SYT16: variants seen among roughly 807,000 people sequenced by gnomAD.
SYT16 encodes the protein synaptotagmin-16.
Under a neutral mutation model 61.4 loss-of-function variants are expected in SYT16, and 42 were observed. The observed-to-expected ratio is 0.68, with a 90% CI of 0.53 to 0.89. The LOEUF (loss-of-function observed/expected upper bound fraction) is 0.89, where lower values mean the gene tolerates loss of function less well. SYT16 is among the 40% of genes least tolerant of loss of function. The pLI is 0.00. For missense variants in SYT16, 804 were observed against 807.3 expected, an observed-to-expected ratio of 1.00 and a Z score of 0.05; for synonymous variants, 314 against 302.3, an observed-to-expected ratio of 1.04 and a Z score of -0.40.
chr14:61,996,983 A>G (rs555727402), intron 3 of SYT16, among the ~76,000 whole-genome samples: 42 of 152,202 alleles, frequency 2.8e-4, no homozygotes, highest in Non-Finnish European at 5.3e-4. Context: ...CACTTCTCAC[A>G]GTGTTTCACT....
At chr14:61,962,690 C>G (rs759630259) in intron 1 of SYT16, among the ~76,000 whole-genome samples, 1 of 151,948 alleles carries the variant, frequency 6.6e-6, no homozygotes, top group Admixed American at 6.6e-5. Flanking sequence ...TTTCTTTACT[C>G]TTTTCATTCT....
chr14:62,088,122 C>T (rs1369604382), intron 7 of SYT16, among the ~76,000 whole-genome samples: 2 of 151,668 alleles, frequency 1.3e-5, no homozygotes, highest in Non-Finnish European at 1.5e-5. Context: ...GGGCAGTAAC[C>T]GGTAAGTCAA....
chr14:61,981,773 G>A (rs1450282620), intron 2 of SYT16, among the ~76,000 whole-genome samples: 2 of 152,172 alleles, frequency 1.3e-5, no homozygotes, highest in Admixed American at 1.3e-4. Flanking sequence ...TCATTTGACA[G>A]ACCTGTGCAC....
At chr14:61,898,702 C>G (rs2048409960) in intron 1 of SYT16, among the ~76,000 whole-genome samples, 1 of 152,188 alleles carries the variant, frequency 6.6e-6, no homozygotes, top group African/African-American at 2.4e-5. Flanking sequence ...GTTCTTCCAG[C>G]CAGCACAGGG....
At chr14:62,086,445 AC>A (rs1215775683) in intron 7 of SYT16, among the ~76,000 whole-genome samples, 2 of 152,182 alleles carry the variant, frequency 1.3e-5, no homozygotes, top group African/African-American at 4.8e-5. Context: ...GCACCACTGC[AC>A]TCCAGCCTGG....
chr14:62,006,751 T>C (rs754378265), intron 3 of SYT16, among the ~76,000 whole-genome samples: 14 of 152,162 alleles, frequency 9.2e-5, no homozygotes, highest in Non-Finnish European at 1.9e-4. Context: ...ACCTTTGATA[T>C]GTGATGGGAA....
chr14:61,859,527 C>G (rs2046901444), intron 1 of SYT16, among the ~76,000 whole-genome samples: 1 of 151,882 alleles, frequency 6.6e-6, no homozygotes, highest in Admixed American at 6.6e-5. Flanking sequence ...GAAAACCCCT[C>G]TCTCTCTCGA....
At chr14:61,828,300 T>C (rs1214894004) in intron 1 of SYT16, among the ~76,000 whole-genome samples, 1 of 152,238 alleles carries the variant, frequency 6.6e-6, no homozygotes, top group Non-Finnish European at 1.5e-5. Flanking sequence ...AAATCAAGCA[T>C]GTTTTAAAGA....
intron 1 of SYT16, among the ~76,000 whole-genome samples, chr14:61,959,249 T>C (rs1352888595): frequency 2.0e-5 from 3 of 152,188 alleles, no homozygotes; most frequent in Non-Finnish European, 4.4e-5. Context: ...AGTTCACTTA[T>C]GTTTAATGGA....
At chr14:62,027,939 G>A (rs2140789440) in intron 3 of SYT16, among the ~76,000 whole-genome samples, 1 of 152,310 alleles carries the variant, frequency 6.6e-6, no homozygotes, top group Non-Finnish European at 1.5e-5. Flanking sequence ...ACTGCTGGGG[G>A]TTGTGCCAAA....
intron 5 of SYT16, chr14:62,079,257 A>G (rs1824377896): frequency 1.6e-6 from 1 of 642,680 alleles, no homozygotes; most frequent in South Asian, 3.4e-5. Context: ...TCTGAATAGA[A>G]ACACTCACGC....
At chr14:61,972,342 T>C (rs1014617373) in intron 2 of SYT16, among the ~76,000 whole-genome samples, 16 of 152,224 alleles carry the variant, frequency 1.1e-4, no homozygotes, top group African/African-American at 3.9e-4. Context: ...TGTTTGACAT[T>C]TTATCTGAAT....
At chr14:62,035,321 T>C (rs990039878) in intron 3 of SYT16, among the ~76,000 whole-genome samples, 1 of 152,226 alleles carries the variant, frequency 6.6e-6, no homozygotes, top group Admixed American at 6.5e-5. Flanking sequence ...TTCTTTCTAT[T>C]TGTGCTGTGT....
chr14:62,038,869 T>C (rs1461307309), intron 3 of SYT16, among the ~76,000 whole-genome samples: 4 of 152,240 alleles, frequency 2.6e-5, no homozygotes, highest in Admixed American at 2.0e-4. Context: ...GAATATTATA[T>C]GTAACATGAG....
At chr14:61,889,659 C>T (rs1450597181) in intron 1 of SYT16, among the ~76,000 whole-genome samples, 2 of 151,768 alleles carry the variant, frequency 1.3e-5, no homozygotes, top group African/African-American at 4.8e-5. Context: ...CTCTGTCTTG[C>T]TCACTTCTTC....
rs1386330769 is a variant in SYT16 at position 62,015,574 on chromosome 14, A to G, written c.523+19032A>G. 3.3e-5 allele frequency among the ~76,000 whole-genome samples: 5 copies of G among 152,296 alleles called. No homozygotes were observed. The East Asian group carries it at 7.7e-4, about 24-fold the overall frequency. On this transcript the variant is annotated intron_variant, in intron 3 of 7. Coordinates refer to ENST00000683842, the MANE Select transcript of SYT16 (RefSeq NM_001367656.1). The stretch of plus-strand genomic sequence containing the variant: ...CCTCCACAGATTCACATGTTAAAAC[A>G]TAGTCCCCAGTATGATGGTATTAGG...
intron 7 of SYT16, among the ~76,000 whole-genome samples, chr14:62,090,766 G>T (rs11846996): frequency 1.3e-5 from 2 of 151,994 alleles, no homozygotes; most frequent in Admixed American, 1.3e-4. Context: ...TGATAAAGAC[G>T]TACCCAAGAC....
At position 62,100,978 on chromosome 14, in the gene SYT16, C is replaced by A; in HGVS notation, c.*271C>A. On this transcript the variant is annotated 3_prime_UTR_variant, in exon 8 of 8. Transcript: ENST00000683842. ...GATGAGTTAATTTGTGCCAATAGATCATTGAGTTTTAGTTCAGGGTATGGG... is the reference window on the plus strand; with the variant it reads ...GATGAGTTAATTTGTGCCAATAGATAATTGAGTTTTAGTTCAGGGTATGGG... The A allele has an allele frequency of 5.8e-6, 2 of 347,494 alleles. No individual in the cohort carries two copies. Among genetic ancestry groups the A allele is most frequent in the South Asian group, 9.8e-5 (2 of 20,354 alleles). 21.5% of individuals were successfully genotyped at this position (347,494 alleles called of 1,614,324 possible).
chr14:61,981,492 A>G (rs2052073963), intron 2 of SYT16, among the ~76,000 whole-genome samples: 1 of 152,202 alleles, frequency 6.6e-6, no homozygotes, highest in Non-Finnish European at 1.5e-5. Flanking sequence ...AAATCATATA[A>G]TGAACCCCAT....
Sources: gnomAD v4.1 joint callset for allele counts (sites outside exome capture counted in the v4.1 genomes callset) on GRCh38, gnomAD v4.1.1 for gene constraint, MANE v1.5 for transcripts, NCBI Gene and HGNC (gene_info 2026-07-23, HGNC 2026-07-21) for gene names.